Variants in ADAMTS6 observed in about 807,000 individuals in gnomAD.
ADAMTS6 encodes the protein ADAM metallopeptidase with thrombospondin type 1 motif 6, also known as A disintegrin and metalloproteinase with thrombospondin motifs 6.
ADAMTS6 carries 23 observed loss-of-function variants against 144.3 expected under a neutral mutation model. That is an observed-to-expected ratio of 0.16 (90% CI 0.11 to 0.23). The LOEUF is 0.23. Among genes scored for constraint, ADAMTS6 ranks in the 10% least tolerant of loss-of-function variants. The pLI, the probability that ADAMTS6 is intolerant of heterozygous loss-of-function variation, is 1.00. For synonymous variants in ADAMTS6, 444 were observed against 457.5 expected (o/e 0.97, Z 0.38); for missense variants, 999 against 1,379.6 (o/e 0.72, Z 4.37).
At chr5:65,231,715 A>G (rs1414001484) in intron 15 of ADAMTS6, among the ~76,000 whole-genome samples, 1 of 152,196 alleles carries the variant, frequency 6.6e-6, no homozygotes, top group African/African-American at 2.4e-5. Flanking sequence ...ATCAGTTACA[A>G]AAAGAAAACT....
chr5:65,270,090 G>A (rs1055629155), intron 12 of ADAMTS6, among the ~76,000 whole-genome samples: 3 of 152,132 alleles, frequency 2.0e-5, no homozygotes, highest in African/African-American at 4.8e-5. Context: ...CACCAGGCCC[G>A]GCCGTAAGTA....
chr5:65,158,648 T>G (rs182984116), intron 24 of ADAMTS6, among the ~76,000 whole-genome samples: 135 of 152,308 alleles, frequency 8.9e-4, no homozygotes, highest in Admixed American at 1.6e-3. Context: ...GTATTGCAAA[T>G]GTACTGATAC....
chr5:65,389,563 T>C (rs1752744989), intron 7 of ADAMTS6, among the ~76,000 whole-genome samples: 1 of 152,052 alleles, frequency 6.6e-6, no homozygotes, highest in African/African-American at 2.4e-5. Context: ...GAGAGTATAT[T>C]TTTTTCTTTA....
intron 22 of ADAMTS6, among the ~76,000 whole-genome samples, chr5:65,179,522 A>T (rs1025893435): frequency 6.6e-6 from 1 of 152,222 alleles, no homozygotes. Flanking sequence ...AATAGTAATA[A>T]CTTAGGAATA....
At chr5:65,369,680 TA>T (rs1750659400) in intron 7 of ADAMTS6, among the ~76,000 whole-genome samples, 1 of 152,154 alleles carries the variant, frequency 6.6e-6, no homozygotes, top group Non-Finnish European at 1.5e-5. Context: ...AATATTAAAA[TA>T]TTTTGACATC....
At position 65,252,293 on chromosome 5, in the gene ADAMTS6, G is replaced by A. The variant is rs573426928; in HGVS notation, c.1830+8307C>T. ...ACTTGGGTTACTAGGAATTCCGCTC[G>A]GAGCAAAATTTGTGACCAATCTTTT... On this transcript the variant is annotated intron_variant, in intron 14 of 24. Coordinates refer to ENST00000381055, the MANE Select transcript of ADAMTS6 (RefSeq NM_197941.4). Among the ~76,000 whole-genome samples, 52 of 150,430 alleles carry A rather than the reference G, an allele frequency of 3.5e-4. 1 individual carries two copies. In the South Asian group the frequency reaches 8.4e-3, roughly 24 times the overall value.
chr5:65,295,985 G>A (rs527862727), intron 10 of ADAMTS6, among the ~76,000 whole-genome samples: 8 of 152,112 alleles, frequency 5.3e-5, no homozygotes, highest in Non-Finnish European at 1.0e-4. Flanking sequence ...TGTAAAATAT[G>A]CACTCATGGC....
intron 12 of ADAMTS6, among the ~76,000 whole-genome samples, chr5:65,270,089 C>T (rs1188608126): frequency 2.0e-5 from 3 of 152,110 alleles, no homozygotes; most frequent in South Asian, 2.1e-4. Context: ...CCACCAGGCC[C>T]GGCCGTAAGT....
At chr5:65,277,690 C>T (rs527503505) in intron 11 of ADAMTS6, among the ~76,000 whole-genome samples, 1 of 152,046 alleles carries the variant, frequency 6.6e-6, no homozygotes, top group Non-Finnish European at 1.5e-5. Context: ...GGTCTGTATG[C>T]TTATGGCACG....
At position 65,470,990 on chromosome 5, in the gene ADAMTS6, T is replaced by G. The variant is rs1399173621; in HGVS notation, c.250A>C (p.Lys84Gln). ...TAGGCTGAAAGTTTAAAAAATAACT[T>G]AGATACTGCCTGCTGTGGATCAATA... is the stretch of plus-strand genomic sequence containing the variant. ...DPIDPQQAVS[K>Q]LFFKLSAYGK... The change falls in exon 3 of 25, where the codon AAG becomes CAG. Residue 84 changes from lysine (K) to glutamine (Q), a missense_variant. By Grantham distance (53) the Lys-to-Gln change is moderately conservative. Around this residue, in one of 3 missense-constraint regions of ADAMTS6, gnomAD observed 252 missense variants for 293.7 expected, o/e 0.86. Coordinates refer to ENST00000381055, the MANE Select transcript of ADAMTS6 (RefSeq NM_197941.4). The G allele has an allele frequency of 4.3e-6, 7 of 1,612,922 alleles. No homozygotes were observed. Among genetic ancestry groups the G allele is most frequent in the Non-Finnish European group, 5.9e-6 (7 of 1,179,616 alleles).
chr5:65,387,888 G>C (rs1043503475), intron 7 of ADAMTS6, among the ~76,000 whole-genome samples: 4 of 152,180 alleles, frequency 2.6e-5, no homozygotes, highest in Admixed American at 6.5e-5. Flanking sequence ...TATAAGGTAT[G>C]AGACTAAAGT....
At chr5:65,373,507 G>C (rs1394854245) in intron 7 of ADAMTS6, among the ~76,000 whole-genome samples, 2 of 151,040 alleles carry the variant, frequency 1.3e-5, no homozygotes, top group Non-Finnish European at 1.5e-5. Context: ...AGAAAATCTA[G>C]AAGAAATGGA....
chr5:65,456,930 G>T (rs913855180), intron 4 of ADAMTS6, among the ~76,000 whole-genome samples: 2 of 152,172 alleles, frequency 1.3e-5, no homozygotes, highest in Non-Finnish European at 2.9e-5. Context: ...AATATGTCCT[G>T]TGTCAAGGGG....
intron 21 of ADAMTS6, among the ~76,000 whole-genome samples, chr5:65,188,618 G>A (rs538476309): frequency 6.6e-6 from 1 of 152,228 alleles, no homozygotes; most frequent in South Asian, 2.1e-4. Flanking sequence ...GGGGGTGGGG[G>A]AGTTCTGATT....
intron 10 of ADAMTS6, chr5:65,297,079 G>A (rs1742911371): frequency 2.5e-6 from 1 of 392,556 alleles, no homozygotes; most frequent in South Asian, 1.9e-5. Context: ...AAATAAATCA[G>A]TCCCGCAGGC....
chr5:65,457,745 C>CTTTTT (rs1180960588), intron 4 of ADAMTS6, among the ~76,000 whole-genome samples: 148 of 97,368 alleles, frequency 1.5e-3, no homozygotes, highest in Middle Eastern at 5.4e-3. Context: ...TTCTTTCTTT[C>CTTTTT]TTTTTTTTTT....
At chr5:65,323,320 T>C (rs1237761838) in intron 9 of ADAMTS6, among the ~76,000 whole-genome samples, 2 of 133,952 alleles carry the variant, frequency 1.5e-5, no homozygotes, top group Admixed American at 1.8e-4. Flanking sequence ...CCTGTGTCCA[T>C]GTGTTCTCAT....
In ADAMTS6 at chr5:65,194,895, A is replaced by C. The variant is rs1755237951; in HGVS notation, c.2705+2127T>G. Among the ~76,000 whole-genome samples the C allele has an allele frequency of 2.0e-5, 3 of 152,220 alleles. No individual in the cohort carries two copies. The South Asian group carries it at 6.2e-4, about 32-fold the overall frequency. ...AATTATCCTTAAACTGTTAAAAAAC[A>C]AAAACAAACCTCCAATGTAATACTC... On this transcript the variant is annotated intron_variant, in intron 21 of 24. Transcript: ENST00000381055.
At chr5:65,243,811 CAAAAACAAACAAA>C (rs1759408903) in intron 14 of ADAMTS6, among the ~76,000 whole-genome samples, 1 of 151,858 alleles carries the variant, frequency 6.6e-6, no homozygotes, top group Non-Finnish European at 1.5e-5. Context: ...ATAACGATTT[CAAAAACAAACAAA>C]AAAAACAAAC....
Sources: gnomAD v4.1 joint callset for allele counts (sites outside exome capture counted in the v4.1 genomes callset) on GRCh38, gnomAD v4.1.1 for gene constraint, gnomAD v4.1.1 regional missense constraint, MANE v1.5 for transcripts, NCBI Gene and HGNC (gene_info 2026-07-23, HGNC 2026-07-21) for gene names.